The following PSEN2 variants were observed in gnomAD, a reference collection of about 807,000 sequenced individuals.
The protein encoded by PSEN2 is presenilin 2, also known as presenilin-2.
Under a neutral mutation model 49.1 loss-of-function variants are expected in PSEN2, and 32 were observed. The observed-to-expected ratio is 0.65, with a 90% CI of 0.49 to 0.88. The LOEUF (loss-of-function observed/expected upper bound fraction) is 0.88, where lower values mean the gene tolerates loss of function less well. PSEN2 is among the 40% of genes least tolerant of loss of function. The probability of loss-of-function intolerance (pLI) is 0.00; values close to 1 mark genes in which losing one functional copy is unlikely to be tolerated. For synonymous variants in PSEN2, 255 were observed against 244.0 expected, an observed-to-expected ratio of 1.05 and a Z score of -0.42; for missense variants, 522 against 586.9, an observed-to-expected ratio of 0.89 and a Z score of 1.14.
At chr1:226,885,738 G>T in intron 6 of PSEN2, 59 bp downstream of exon 6, 10 of 1,595,610 alleles carry the variant, frequency 6.3e-6, no homozygotes, top group South Asian at 1.1e-5. Flanking sequence ...ACACCATGGC[G>T]GCAGGGCCCG....
At chr1:226,886,319 T>C (rs1287615578) in intron 6 of PSEN2, among the ~76,000 whole-genome samples, 2 of 152,230 alleles carry the variant, frequency 1.3e-5, no homozygotes, top group African/African-American at 2.4e-5. Flanking sequence ...CCCCTGAAGA[T>C]TTATTTTTAG....
At chr1:226,894,357 G>A (rs1456900965) in intron 12 of PSEN2, among the ~76,000 whole-genome samples, 1 of 152,224 alleles carries the variant, frequency 6.6e-6, no homozygotes, top group East Asian at 1.9e-4. Flanking sequence ...GGAGGGTGAG[G>A]AGTGTACCGG....
intron 12 of PSEN2, among the ~76,000 whole-genome samples, chr1:226,902,711 C>T (rs537300942): frequency 1.6e-4 from 25 of 152,254 alleles, no homozygotes; most frequent in Non-Finnish European, 1.5e-5. Context: ...GTGGGGTGTC[C>T]ACTGAGCCAA....
intron 3 of PSEN2, among the ~76,000 whole-genome samples, chr1:226,881,596 A>G (rs1284217510): frequency 6.6e-6 from 1 of 152,208 alleles, no homozygotes; most frequent in Non-Finnish European, 1.5e-5. Context: ...TGCTGATTGA[A>G]TGAATGAGCA....
chr1:226,890,108 C>T lies in PSEN2; in HGVS notation c.861C>T (p.Pro287=), dbSNP rs75733498. 10,446 of 1,613,914 alleles carry T rather than the reference C, an allele frequency of 6.5e-3. 327 individuals are homozygous for T. In the East Asian group the frequency reaches 0.077, roughly 12 times the overall value. ...LVETAQERNE[P]IFPALIYSSA... is the part of the protein sequence containing the mutation. ...AAACTGCCCAGGAGAGAAATGAGCC[C>T]ATATTCCCTGCCCTGATATACTCAT... Residue 287 remains proline, a synonymous_variant, in exon 9 of 13, where the codon CCC becomes CCT. Coordinates refer to ENST00000366783, the MANE Select transcript of PSEN2 (RefSeq NM_000447.3).
intron 5 of PSEN2, 114 bp from the exon 6 acceptor site, chr1:226,885,424 T>TG: frequency 8.3e-7 from 1 of 1,209,242 alleles, no homozygotes. Flanking sequence ...GGGCAGCATG[T>TG]GGGCAGCATG....
At chr1:226,902,919 G>T (rs1282833848) in intron 12 of PSEN2, among the ~76,000 whole-genome samples, 2 of 152,152 alleles carry the variant, frequency 1.3e-5, no homozygotes, top group African/African-American at 4.8e-5. Flanking sequence ...GAGCCTACTC[G>T]GAGGGGAACA....
intron 5 of PSEN2, among the ~76,000 whole-genome samples, chr1:226,884,965 A>G (rs1463760105): frequency 1.3e-5 from 2 of 152,142 alleles, no homozygotes; most frequent in Non-Finnish European, 2.9e-5. Flanking sequence ...CAGAAAGCTT[A>G]TAGTGTGTGG....
intron 7 of PSEN2, 21 bp downstream of exon 7, chr1:226,888,179 AG>A: frequency 6.3e-7 from 1 of 1,598,702 alleles, no homozygotes; most frequent in Non-Finnish European, 8.6e-7. Flanking sequence ...GATAAGCAGC[AG>A]GGTCCCTGGG....
Position 226,895,788 on chromosome 1 carries a change from C to G in PSEN2, c.*209C>G, listed in dbSNP as rs571949639. 3.3e-6 allele frequency: 2 copies of G among 614,602 alleles called. No individual in the cohort carries two copies. The highest frequency in any genetic ancestry group is 2.9e-5 in the Admixed American group (1 of 35,020). The allele number at this position is 614,602 out of a possible 1,614,324, so 38.1% of individuals were successfully genotyped here. Reference sequence around the variant, plus strand: ...TTGGCTCCCGCTTTGGGGAGCGCCTCGCTTCACGGACAGGAAGCACAGCAG... The same window carrying G: ...TTGGCTCCCGCTTTGGGGAGCGCCTGGCTTCACGGACAGGAAGCACAGCAG... On this transcript the variant is annotated 3_prime_UTR_variant, in exon 13 of 13. Coordinates refer to ENST00000366783, the MANE Select transcript of PSEN2 (RefSeq NM_000447.3).
chr1:226,892,792 G>A (rs1661848967), intron 11 of PSEN2, among the ~76,000 whole-genome samples: 1 of 152,178 alleles, frequency 6.6e-6, no homozygotes, highest in Non-Finnish European at 1.5e-5. Context: ...CCAGCCACAA[G>A]CTCTAGAGGG....
chr1:226,874,456 A>G (rs6675452), intron 2 of PSEN2, among the ~76,000 whole-genome samples: 11,746 of 152,212 alleles, frequency 0.077, 1,200 homozygotes, highest in African/African-American at 0.24. Context: ...ACATTGTCCT[A>G]TGGATATGTC....
In PSEN2 at chr1:226,889,033, C is replaced by G. The variant is rs7539017; in HGVS notation, c.771C>G (p.Gly257=). 1.2e-6 allele frequency: 2 copies of G among 1,613,802 alleles called. No individual in the cohort carries two copies. Among genetic ancestry groups the G allele is most frequent in the Non-Finnish European group, 1.7e-6 (2 of 1,179,902 alleles). The part of the protein sequence containing the change: ...LPEWSAWVIL[G]AISVYDLVAV... Reference sequence around the variant, plus strand: ...AGTGGTCCGCGTGGGTCATCCTGGGCGCCATCTCTGTGTATGGTAGGTGGG... The same window carrying G: ...AGTGGTCCGCGTGGGTCATCCTGGGGGCCATCTCTGTGTATGGTAGGTGGG... The change falls in exon 8 of 13, where the codon GGC becomes GGG. Residue 257 remains glycine, a synonymous_variant. Coordinates refer to ENST00000366783, the MANE Select transcript of PSEN2 (RefSeq NM_000447.3).
At chr1:226,887,321 C>T (rs1282319079) in intron 6 of PSEN2, among the ~76,000 whole-genome samples, 2 of 152,108 alleles carry the variant, frequency 1.3e-5, no homozygotes, top group Non-Finnish European at 2.9e-5. Flanking sequence ...GCAGCAGGGC[C>T]GTGGAGGCTG....
chr1:226,885,519 C>T lies in PSEN2; in HGVS notation c.357-19C>T, dbSNP rs762936893. 4 of 1,613,160 alleles carry T rather than the reference C, an allele frequency of 2.5e-6. No homozygotes were observed. Among genetic ancestry groups the T allele is most frequent in the Middle Eastern group, 1.7e-4 (1 of 6,060 alleles). On this transcript the variant is annotated intron_variant, in intron 5 of 12. Coordinates refer to ENST00000366783, the MANE Select transcript of PSEN2 (RefSeq NM_000447.3). ...AGCAGTCAGGGCCGGGAGCATCAGCCCTTTGCCTTCTCCCTCAGCATCTAC... is the reference window on the plus strand; with the variant it reads ...AGCAGTCAGGGCCGGGAGCATCAGCTCTTTGCCTTCTCCCTCAGCATCTAC...
chr1:226,889,875 G>T (rs1184457318), intron 8 of PSEN2, among the ~76,000 whole-genome samples, 160 bp from the exon 9 acceptor site: 2 of 152,226 alleles, frequency 1.3e-5, no homozygotes, highest in African/African-American at 4.8e-5. Flanking sequence ...TCACACCAGG[G>T]CCTGCTCTAA....
downstream of PSEN2, among the ~76,000 whole-genome samples, chr1:226,900,720 C>T (rs117813780): frequency 2.1e-3 from 323 of 152,256 alleles, 4 homozygotes; most frequent in East Asian, 0.031. Flanking sequence ...CAGGGAGATA[C>T]TTGTCAGTAC....
At chr1:226,885,463 C>G (rs1337313568) in intron 5 of PSEN2, 75 bp from the exon 6 acceptor site, 4 of 1,561,934 alleles carry the variant, frequency 2.6e-6, no homozygotes, top group Non-Finnish European at 3.5e-6. Context: ...CCTAGCAGGT[C>G]CAGAATCACT....
intron 3 of PSEN2, among the ~76,000 whole-genome samples, chr1:226,878,176 T>G (rs1378620948): frequency 6.6e-6 from 1 of 151,874 alleles, no homozygotes; most frequent in East Asian, 1.9e-4. Flanking sequence ...GCCTCCTGGG[T>G]TCAAGTGATT....
Sources: allele counts gnomAD v4.1 joint callset (sites outside exome capture counted in the v4.1 genomes callset), GRCh38; gene constraint gnomAD v4.1.1; transcripts MANE v1.5; gene names NCBI Gene and HGNC (gene_info 2026-07-23, HGNC 2026-07-21).